Variants in ADRA1A observed in about 807,000 individuals in gnomAD.
The protein encoded by ADRA1A is alpha-1A adrenergic receptor.
In ADRA1A, 31 loss-of-function variants were observed where a neutral mutation model predicts 29.6. That is an observed-to-expected ratio of 1.05 (90% confidence interval 0.79 to 1.41). The LOEUF is 1.41. Ranked by LOEUF, ADRA1A falls within the 40% of genes most tolerant of loss-of-function variation. The probability of loss-of-function intolerance (pLI) is 0.00; values close to 1 mark genes in which losing one functional copy is unlikely to be tolerated. For missense variants in ADRA1A, 619 were observed against 601.1 expected, an observed-to-expected ratio of 1.03 and a Z score of -0.31; for synonymous variants, 311 against 254.3, an observed-to-expected ratio of 1.22 and a Z score of -2.12.
At chr8:26,768,207 G>T (rs1805896349), downstream of ADRA1A, among the ~76,000 whole-genome samples, 9 of 152,152 alleles carry the variant, frequency 5.9e-5, no homozygotes, top group Admixed American at 5.2e-4. Context: ...AAGAATTTAA[G>T]GAAATTATCA....
chr8:26,851,751 T>C (rs1183534830), intron 2 of ADRA1A, among the ~76,000 whole-genome samples: 1 of 152,090 alleles, frequency 6.6e-6, no homozygotes, highest in Non-Finnish European at 1.5e-5. Context: ...CATAAACATA[T>C]ATAAAGCAAA....
At chr8:26,827,375 C>T (rs904938947) in intron 2 of ADRA1A, among the ~76,000 whole-genome samples, 2 of 152,186 alleles carry the variant, frequency 1.3e-5, no homozygotes, top group African/African-American at 2.4e-5. Context: ...GTGATACTTA[C>T]TTAATTTCTC....
rs1810951100 is a variant in ADRA1A, at chr8:26,831,165, C to T, written c.883+32922G>A. 6.6e-6 allele frequency among the ~76,000 whole-genome samples: 1 copy of T among 152,152 alleles called. No individual in the cohort carries two copies. The highest frequency in any genetic ancestry group is 1.5e-5 in the Non-Finnish European group (1 of 68,026). ...AAGGCAAGATCCCCTGCTGACTTGT[C>T]AAACTCTCATATGGATGTTAAGAAG... is the stretch of plus-strand genomic sequence containing the variant. On this transcript the variant is annotated intron_variant, in intron 2 of 2. Coordinates refer to ENST00000380573, the MANE Select transcript of ADRA1A (RefSeq NM_000680.4). This position sits in a 1 kb window ranked among gnomAD's most constrained non-coding sequence, Gnocchi z 5.2.
Position 26,865,709 on chromosome 8 carries a change from G to A in ADRA1A, c.-686-54C>T. The stretch of plus-strand genomic sequence containing the variant: ...TTGAGCTAGGCGCCCCAGGGAAAGA[G>A]GCTGTGCTGAGCTTGACGGGTTGGG... On this transcript the variant is annotated intron_variant, in intron 1 of 2. Transcript: ENST00000380573. This position sits in a 1 kb window ranked among gnomAD's most constrained non-coding sequence, Gnocchi z 7.6. 1.0e-6 allele frequency: 1 copy of A among 985,816 alleles called. No individual in the cohort carries two copies. The allele number at this position is 985,816 out of a possible 1,614,324, so 61.1% of individuals were successfully genotyped here. A position where few individuals can be genotyped will look rare whatever the true frequency, so the allele number is the denominator to read the frequency against.
downstream of ADRA1A, chr8:26,765,949 T>C: frequency 6.5e-7 from 1 of 1,550,134 alleles, no homozygotes; most frequent in Non-Finnish European, 8.7e-7. Flanking sequence ...GGTTGGGATA[T>C]CCAGTTTTCA....
chr8:26,866,850 A>T lies in ADRA1A; in HGVS notation c.-687+86T>A, dbSNP rs867885343. 2 of 985,348 alleles carry T rather than the reference A, an allele frequency of 2.0e-6. No individual in the cohort carries two copies. The highest frequency in any genetic ancestry group is 3.5e-5 in the African/African-American group (2 of 57,214). The allele number at this position is 985,348 out of a possible 1,614,324, so 61.0% of individuals were successfully genotyped here. On this transcript the variant is annotated intron_variant, in intron 1 of 2. Coordinates refer to ENST00000380573, the MANE Select transcript of ADRA1A (RefSeq NM_000680.4). The surrounding 1 kb of genome is among the most constrained non-coding windows in gnomAD (Gnocchi z 5.7). The stretch of plus-strand genomic sequence containing the variant: ...TGGAAAAAGCGGGAGGCGCTGGGAA[A>T]AGTGGGGGTTCCGTCTCACCAGACG...
chr8:26,822,430 T>C (rs1810238051), intron 2 of ADRA1A, among the ~76,000 whole-genome samples: 1 of 152,204 alleles, frequency 6.6e-6, no homozygotes, highest in Non-Finnish European at 1.5e-5. Context: ...GAAGTGAAGC[T>C]TTTCATTTAC....
intron 2 of ADRA1A, among the ~76,000 whole-genome samples, chr8:26,808,997 C>T (rs916513252): frequency 6.6e-6 from 1 of 152,114 alleles, no homozygotes; most frequent in Non-Finnish European, 1.5e-5. Flanking sequence ...GAGAAACTTG[C>T]TTTCTCTTTA....
At chr8:26,855,552 G>A (rs1007012661) in intron 2 of ADRA1A, among the ~76,000 whole-genome samples, 2 of 152,050 alleles carry the variant, frequency 1.3e-5, no homozygotes, top group Non-Finnish European at 2.9e-5. Flanking sequence ...ACACGGGGAG[G>A]GGAACATCAC....
chr8:26,765,900 C>T, downstream of ADRA1A: 3 of 1,427,252 alleles, frequency 2.1e-6, no homozygotes, highest in South Asian at 1.6e-5. Flanking sequence ...AAAATGTTCT[C>T]ACTACCAGGT....
At chr8:26,790,542 G>T (rs1807741636) in intron 2 of ADRA1A, among the ~76,000 whole-genome samples, 1 of 152,088 alleles carries the variant, frequency 6.6e-6, no homozygotes. Context: ...GTGTTCTATA[G>T]CACTATAAGA....
At chr8:26,794,208 A>G (rs1400665844) in intron 2 of ADRA1A, among the ~76,000 whole-genome samples, 1 of 152,100 alleles carries the variant, frequency 6.6e-6, no homozygotes, top group African/African-American at 2.4e-5. Flanking sequence ...CAAGGATTGA[A>G]GTTGTTACCT....
At chr8:26,837,362 A>G (rs904334484) in intron 2 of ADRA1A, among the ~76,000 whole-genome samples, 55 of 152,216 alleles carry the variant, frequency 3.6e-4, no homozygotes, top group Middle Eastern at 6.8e-3. Flanking sequence ...AAAGTCTACA[A>G]TAGCCAGGCT....
chr8:26,788,505 G>T (rs961083708), intron 2 of ADRA1A, among the ~76,000 whole-genome samples: 1 of 152,018 alleles, frequency 6.6e-6, no homozygotes, highest in Admixed American at 6.5e-5. Context: ...GCACCATGAG[G>T]GTGATGATGG....
At chr8:26,758,985 C>G (rs1032248833) in intron 2 of ADRA1A, among the ~76,000 whole-genome samples, 1 of 152,142 alleles carries the variant, frequency 6.6e-6, no homozygotes, top group African/African-American at 2.4e-5. Flanking sequence ...TCTGAAAATA[C>G]AATTTTTACT....
exon 3 of ADRA1A, chr8:26,756,545 T>G: frequency 1.3e-6 from 2 of 1,543,366 alleles, no homozygotes; most frequent in Non-Finnish European, 1.7e-6. Context: ...GATCATTCCT[T>G]AAGTTACTGT....
intron 2 of ADRA1A, among the ~76,000 whole-genome samples, chr8:26,842,214 G>C (rs1183818876): frequency 6.6e-6 from 1 of 152,170 alleles, no homozygotes; most frequent in East Asian, 1.9e-4. Flanking sequence ...TTGAAATGCA[G>C]TTAGCCTGAC....
intron 2 of ADRA1A, among the ~76,000 whole-genome samples, chr8:26,777,850 C>T (rs1806666392): frequency 1.3e-5 from 2 of 152,204 alleles, no homozygotes; most frequent in East Asian, 3.9e-4. Context: ...TCAGGGCACC[C>T]TGGGGGCCTG....
intron 2 of ADRA1A, among the ~76,000 whole-genome samples, chr8:26,813,648 C>G (rs181034960): frequency 6.6e-6 from 1 of 152,246 alleles, no homozygotes; most frequent in East Asian, 1.9e-4. Context: ...GGAATTCATA[C>G]AAGCCAAGCA....
Sources: gnomAD v4.1 joint callset for allele counts (sites outside exome capture counted in the v4.1 genomes callset) on GRCh38, gnomAD v4.1.1 for gene constraint, Gnocchi (gnomAD v3.1) non-coding constraint, MANE v1.5 for transcripts, NCBI Gene and HGNC (gene_info 2026-07-23, HGNC 2026-07-21) for gene names.